Variants in B3GLCT observed in about 807,000 individuals in gnomAD.
B3GLCT encodes beta-1,3-glucosyltransferase.
In B3GLCT, 65 loss-of-function variants were observed where a neutral mutation model predicts 63.4. That is an observed-to-expected ratio of 1.03 (90% CI 0.84 to 1.26). B3GLCT has a LOEUF of 1.26. Ranked by LOEUF, B3GLCT falls within the 50% of genes most tolerant of loss-of-function variation. The pLI is 0.00. For missense variants in B3GLCT, 577 were observed against 604.8 expected (o/e 0.95, Z 0.48); for synonymous variants, 233 against 219.2 (o/e 1.06, Z -0.55).
chr13:31,262,023 T>G (rs1872055185), intron 7 of B3GLCT, among the ~76,000 whole-genome samples: 1 of 152,232 alleles, frequency 6.6e-6, no homozygotes, highest in South Asian at 2.1e-4. Flanking sequence ...AGATGTGTTA[T>G]GTACAATTAT....
At chr13:31,252,404 G>A (rs6562655) in intron 6 of B3GLCT, among the ~76,000 whole-genome samples, 56,516 of 151,718 alleles carry the variant, frequency 0.37, 11,201 homozygotes, top group East Asian at 0.72. Context: ...AAATGCTCCA[G>A]TTAAAAGACA....
At chr13:31,269,416 C>A in intron 8 of B3GLCT, 139 bp downstream of exon 8, 1 of 633,738 alleles carries the variant, frequency 1.6e-6, no homozygotes. Flanking sequence ...CATAGCACTC[C>A]AGCGAATTAG....
chr13:31,215,437 G>A (rs539055175), intron 2 of B3GLCT, among the ~76,000 whole-genome samples: 10 of 151,712 alleles, frequency 6.6e-5, no homozygotes, highest in South Asian at 4.2e-4. Context: ...TTTTTGCGAC[G>A]GAGTTTCACT....
At chr13:31,239,782 C>T (rs1294638600) in intron 4 of B3GLCT, among the ~76,000 whole-genome samples, 3 of 151,910 alleles carry the variant, frequency 2.0e-5, no homozygotes, top group East Asian at 1.9e-4. Flanking sequence ...ATATTAACAC[C>T]TGTCTAAAAC....
Position 31,282,511 on chromosome 13 carries a change from G to A in B3GLCT, c.851-2137G>A, listed in dbSNP as rs187457609. ...AAAAAAATTAGCCGGGCGTGGTGGC[G>A]GGCGCCTGTAGTCCCAGCTACTCAG... On this transcript the variant is annotated intron_variant, in intron 10 of 14. Coordinates refer to ENST00000343307, the MANE Select transcript of B3GLCT (RefSeq NM_194318.4). Among the ~76,000 whole-genome samples, 1,198 of 152,076 alleles carry A rather than the reference G, an allele frequency of 7.9e-3. 18 individuals are homozygous for A. Among genetic ancestry groups the A allele is most frequent in the African/African-American group, 0.024 (1,000 of 41,468 alleles).
At chr13:31,317,908 A>G (rs1482173407) in intron 13 of B3GLCT, among the ~76,000 whole-genome samples, 1 of 151,404 alleles carries the variant, frequency 6.6e-6, no homozygotes, top group Admixed American at 6.6e-5. Flanking sequence ...AGTATGTCAT[A>G]CTTGCTAGAA....
Position 31,331,165 on chromosome 13 carries a change from G to C in B3GLCT, c.*1497G>C, listed in dbSNP as rs113235215. The C allele has an allele frequency of 3.3e-5, 5 of 152,288 alleles. No homozygotes were observed. Among genetic ancestry groups the C allele is most frequent in the African/African-American group, 1.2e-4 (5 of 41,546 alleles). The allele number at this position is 152,288 out of a possible 1,614,324, so 9.4% of individuals were successfully genotyped here. ...AGATCGCTTCAAGCCTATACTGATGGCCTTAGCTTTGTTCAGTCATTGTAA... is the reference window on the plus strand; with the variant it reads ...AGATCGCTTCAAGCCTATACTGATGCCCTTAGCTTTGTTCAGTCATTGTAA... On this transcript the variant is annotated 3_prime_UTR_variant, in exon 15 of 15. Coordinates refer to ENST00000343307, the MANE Select transcript of B3GLCT (RefSeq NM_194318.4).
At chr13:31,280,137 A>G (rs914905337) in intron 10 of B3GLCT, among the ~76,000 whole-genome samples, 2 of 152,242 alleles carry the variant, frequency 1.3e-5, no homozygotes, top group African/African-American at 4.8e-5. Flanking sequence ...CAGCTTATGA[A>G]GATGACGGGA....
chr13:31,286,495 T>C (rs534994576), intron 11 of B3GLCT, among the ~76,000 whole-genome samples: 1 of 152,338 alleles, frequency 6.6e-6, no homozygotes, highest in East Asian at 1.9e-4. Flanking sequence ...GGTCTCCATT[T>C]CCTTGTGTGA....
intron 8 of B3GLCT, among the ~76,000 whole-genome samples, chr13:31,270,044 G>A (rs1188827823): frequency 1.3e-5 from 2 of 152,186 alleles, no homozygotes; most frequent in African/African-American, 2.4e-5. Flanking sequence ...TCCCAAGCAG[G>A]CAGCCTGGAG....
At chr13:31,215,306 C>T (rs1869503080) in intron 2 of B3GLCT, among the ~76,000 whole-genome samples, 1 of 152,150 alleles carries the variant, frequency 6.6e-6, no homozygotes, top group South Asian at 2.1e-4. Context: ...TAAGGCTGAT[C>T]CACTTGGTTT....
intron 12 of B3GLCT, among the ~76,000 whole-genome samples, chr13:31,316,407 T>TTTTATATATATATATATATATATA (rs1239451482): frequency 5.6e-4 from 23 of 40,870 alleles, no homozygotes; most frequent in African/African-American, 9.8e-4. Flanking sequence ...TTTGGAGGTT[T>TTTTATATATATATATATATATATA]TATATATATA....
intron 10 of B3GLCT, among the ~76,000 whole-genome samples, chr13:31,281,548 C>T (rs1237628558): frequency 6.6e-6 from 1 of 152,152 alleles, no homozygotes; most frequent in Non-Finnish European, 1.5e-5. Flanking sequence ...CTTTCCCTGG[C>T]TGTTGAATAG....
At chr13:31,257,123 C>T (rs1312905271) in intron 6 of B3GLCT, among the ~76,000 whole-genome samples, 1 of 151,964 alleles carries the variant, frequency 6.6e-6, no homozygotes, top group Non-Finnish European at 1.5e-5. Context: ...CAATCATATA[C>T]TATATAATAG....
intron 10 of B3GLCT, among the ~76,000 whole-genome samples, chr13:31,281,974 C>T (rs140280242): frequency 3.0e-4 from 46 of 152,250 alleles, no homozygotes; most frequent in African/African-American, 1.0e-3. Context: ...AGATTTATGC[C>T]ATCTGTGCAG....
At chr13:31,211,326 G>C (rs934564981) in intron 1 of B3GLCT, among the ~76,000 whole-genome samples, 1 of 152,132 alleles carries the variant, frequency 6.6e-6, no homozygotes, top group African/African-American at 2.4e-5. Flanking sequence ...AACCTGGGAG[G>C]TGGAGGTTGC....
At chr13:31,250,659 T>G (rs1734228902) in intron 6 of B3GLCT, among the ~76,000 whole-genome samples, 3 of 152,310 alleles carry the variant, frequency 2.0e-5, no homozygotes, top group Admixed American at 2.0e-4. Context: ...ACTGCCTGTT[T>G]AGATTCCCTC....
chr13:31,231,106 C>A (rs1870358712), intron 4 of B3GLCT, among the ~76,000 whole-genome samples: 1 of 152,100 alleles, frequency 6.6e-6, no homozygotes, highest in Non-Finnish European at 1.5e-5. Context: ...GGCAGACATG[C>A]AGCAACCTTG....
rs188314533 is a variant in B3GLCT, at chr13:31,239,479, T to C, written c.271-7544T>C. 1.1e-3 allele frequency among the ~76,000 whole-genome samples: 175 copies of C among 152,330 alleles called. 1 individual carries two copies. Among genetic ancestry groups the C allele is most frequent in the African/African-American group, 4.1e-3 (170 of 41,580 alleles). Reference sequence around the variant, plus strand: ...GAGTTTATTTTGTTCAGATGCCTATTATGTGCACTGCATCTGTGTCAATTA... The same window carrying C: ...GAGTTTATTTTGTTCAGATGCCTATCATGTGCACTGCATCTGTGTCAATTA... On this transcript the variant is annotated intron_variant, in intron 4 of 14. Transcript: ENST00000343307.
Sources: allele counts gnomAD v4.1 joint callset (sites outside exome capture counted in the v4.1 genomes callset), GRCh38; gene constraint gnomAD v4.1.1; transcripts MANE v1.5; gene names NCBI Gene and HGNC (gene_info 2026-07-23, HGNC 2026-07-21).